GRIN3A: variants seen among roughly 807,000 people sequenced by gnomAD.
GRIN3A encodes the protein glutamate ionotropic receptor NMDA type subunit 3A, also known as glutamate receptor ionotropic, NMDA 3A.
Under a neutral mutation model 92.4 loss-of-function variants are expected in GRIN3A, and 47 were observed. The observed-to-expected ratio is 0.51, with a 90% CI of 0.40 to 0.65. The LOEUF (loss-of-function observed/expected upper bound fraction) is 0.65. Among genes scored for constraint, GRIN3A ranks in the 30% least tolerant of loss-of-function variants. The pLI is 0.00. For synonymous variants in GRIN3A, 527 were observed against 540.6 expected (o/e 0.97, Z 0.35); for missense variants, 1,324 against 1,393.1 (o/e 0.95, Z 0.79).
intron 6 of GRIN3A, among the ~76,000 whole-genome samples, chr9:101,581,864 G>A (rs1827891670): frequency 6.6e-6 from 1 of 152,144 alleles, no homozygotes; most frequent in Non-Finnish European, 1.5e-5. Flanking sequence ...ATTTAGCATT[G>A]AATATGTGTA....
intron 3 of GRIN3A, among the ~76,000 whole-genome samples, chr9:101,655,799 T>C (rs1829082534): frequency 6.6e-6 from 1 of 151,956 alleles, no homozygotes; most frequent in South Asian, 2.1e-4. Context: ...TCATAATTAT[T>C]TGTCATATTA....
At chr9:101,589,490 A>G (rs930425912) in intron 6 of GRIN3A, among the ~76,000 whole-genome samples, 7 of 152,180 alleles carry the variant, frequency 4.6e-5, no homozygotes, top group African/African-American at 1.4e-4. Flanking sequence ...TTCCTGTTTT[A>G]AATATTGTAA....
At chr9:101,714,218 T>A (rs1045096729) in intron 1 of GRIN3A, among the ~76,000 whole-genome samples, 1 of 152,118 alleles carries the variant, frequency 6.6e-6, no homozygotes, top group African/African-American at 2.4e-5. Flanking sequence ...ACAAGCAGGA[T>A]AATTTGATTT....
At position 101,627,043 on chromosome 9, in the gene GRIN3A, A is replaced by T. The variant is rs1047248356; in HGVS notation, c.2498+1213T>A. On this transcript the variant is annotated intron_variant, in intron 4 of 8. Coordinates refer to ENST00000361820, the MANE Select transcript of GRIN3A (RefSeq NM_133445.3). ...TCATCTCATCCTTTTTCACACTGTC[A>T]GCAGAGCCTAGTTTGTCTGCTATTT... is the stretch of plus-strand genomic sequence containing the variant. 3.9e-4 allele frequency among the ~76,000 whole-genome samples: 59 copies of T among 152,208 alleles called. 1 individual carries two copies. Among genetic ancestry groups the T allele is most frequent in the African/African-American group, 1.3e-3 (52 of 41,464 alleles).
At chr9:101,658,123 G>A (rs1183067079) in intron 3 of GRIN3A, among the ~76,000 whole-genome samples, 6 of 151,862 alleles carry the variant, frequency 4.0e-5, no homozygotes, top group African/African-American at 1.5e-4. Context: ...AGATATTGTT[G>A]GGTATGAATC....
At chr9:101,691,814 T>C (rs1009024854) in intron 1 of GRIN3A, among the ~76,000 whole-genome samples, 1 of 152,192 alleles carries the variant, frequency 6.6e-6, no homozygotes, top group African/African-American at 2.4e-5. Context: ...GGTTAGGACT[T>C]AGTAGTCAGG....
chr9:101,614,560 C>G (rs566583169), intron 5 of GRIN3A, among the ~76,000 whole-genome samples: 4 of 149,462 alleles, frequency 2.7e-5, no homozygotes, highest in South Asian at 2.1e-4. Flanking sequence ...ACATTCAAAA[C>G]CAAACAATAT....
rs886928567 is a variant in GRIN3A, at chr9:101,572,875, G to GCAC, written c.*296_*298dup. Reference sequence around the variant, plus strand: ...GCTAAAAACCAGAAATATTACTGTGGCACCTGGTGAAAAGGTTAACGGCAG... The same window carrying GCAC: ...GCTAAAAACCAGAAATATTACTGTGGCACCACCTGGTGAAAAGGTTAACGGCAG... On this transcript the variant is annotated 3_prime_UTR_variant, in exon 9 of 9. Transcript: ENST00000361820. 2.6e-6 allele frequency: 1 copy of GCAC among 391,382 alleles called. No individual in the cohort carries two copies. The highest frequency in any genetic ancestry group is 2.0e-5 in the African/African-American group (1 of 49,482). 24.2% of individuals were successfully genotyped at this position (391,382 alleles called of 1,614,324 possible). A position where few individuals can be genotyped will look rare whatever the true frequency, so the allele number is the denominator to read the frequency against.
intron 5 of GRIN3A, among the ~76,000 whole-genome samples, chr9:101,616,810 G>T (rs1180774974): frequency 6.7e-6 from 1 of 148,220 alleles, no homozygotes; most frequent in Non-Finnish European, 1.5e-5. Context: ...GTTAGTGGGT[G>T]CAGTGCACCA....
At chr9:101,596,868 C>T (rs928551219) in intron 6 of GRIN3A, among the ~76,000 whole-genome samples, 11 of 152,160 alleles carry the variant, frequency 7.2e-5, no homozygotes, top group South Asian at 2.1e-4. Context: ...TTGGAACCAA[C>T]GCCTCAGGAC....
intron 1 of GRIN3A, among the ~76,000 whole-genome samples, chr9:101,713,398 G>A (rs1262673352): frequency 6.6e-6 from 1 of 152,102 alleles, no homozygotes; most frequent in African/African-American, 2.4e-5. Context: ...AGAAACACCT[G>A]GGAAATTTGT....
chr9:101,604,617 G>C (rs983084844), intron 6 of GRIN3A, among the ~76,000 whole-genome samples: 12 of 151,950 alleles, frequency 7.9e-5, no homozygotes, highest in Non-Finnish European at 7.4e-5. Context: ...AGGTTGAAGA[G>C]CAGACAGTGA....
chr9:101,629,636 G>A (rs1024630367), intron 3 of GRIN3A, among the ~76,000 whole-genome samples: 3 of 152,116 alleles, frequency 2.0e-5, no homozygotes, highest in Non-Finnish European at 2.9e-5. Context: ...AATGTTTTAT[G>A]CCAGCATAAC....
chr9:101,614,609 CTTTT>C (rs754003481), intron 5 of GRIN3A, among the ~76,000 whole-genome samples: 4 of 83,050 alleles, frequency 4.8e-5, no homozygotes, highest in African/African-American at 1.1e-4. Context: ...ATATGTGATA[CTTTT>C]TTTTTTTTTT....
chr9:101,648,391 A>G (rs972427433), intron 3 of GRIN3A, among the ~76,000 whole-genome samples: 1 of 152,022 alleles, frequency 6.6e-6, no homozygotes, highest in Non-Finnish European at 1.5e-5. Flanking sequence ...TGTGGTCTCT[A>G]TTGGAGAATG....
chr9:101,687,423 T>G (rs540310430), intron 1 of GRIN3A, among the ~76,000 whole-genome samples: 2 of 152,152 alleles, frequency 1.3e-5, no homozygotes, highest in East Asian at 1.9e-4. Flanking sequence ...TACCAGAGGG[T>G]GGATGGTTCT....
intron 2 of GRIN3A, 93 bp downstream of exon 2, chr9:101,686,503 G>A (rs1316727536): frequency 2.9e-6 from 4 of 1,362,534 alleles, no homozygotes; most frequent in Non-Finnish European, 4.2e-6. Flanking sequence ...AAGCTACTCA[G>A]AGTCAAGATT....
intron 6 of GRIN3A, among the ~76,000 whole-genome samples, chr9:101,596,842 T>G (rs190950110): frequency 6.6e-6 from 1 of 152,224 alleles, no homozygotes; most frequent in African/African-American, 2.4e-5. Flanking sequence ...AGGATCCCAC[T>G]GGGTTTAAGG....
intron 1 of GRIN3A, among the ~76,000 whole-genome samples, chr9:101,690,649 C>T (rs1371761857): frequency 6.6e-6 from 1 of 151,940 alleles, no homozygotes; most frequent in Non-Finnish European, 1.5e-5. Flanking sequence ...AAAAATCAGG[C>T]AAGAGTGGTA....
Sources: allele counts gnomAD v4.1 joint callset (sites outside exome capture counted in the v4.1 genomes callset), GRCh38; gene constraint gnomAD v4.1.1; transcripts MANE v1.5; gene names NCBI Gene and HGNC (gene_info 2026-07-23, HGNC 2026-07-21).